Variants in INSL6 observed in about 807,000 individuals in gnomAD.
The protein encoded by INSL6 is insulin-like peptide INSL6.
Under a neutral mutation model 9.4 loss-of-function variants are expected in INSL6, and 16 were observed. The observed-to-expected ratio is 1.70, with a 90% CI of 1.15 to 2.59. INSL6 has a LOEUF of 2.59. INSL6 is among the 30% of genes most tolerant of loss of function. The pLI is 0.00. For synonymous variants in INSL6, 154 were observed against 96.9 expected, an observed-to-expected ratio of 1.59 and a Z score of -3.46; for missense variants, 391 against 257.3, an observed-to-expected ratio of 1.52 and a Z score of -3.56.
At chr9:5,141,312 A>G (rs191022270) in intron 2 of INSL6, among the ~76,000 whole-genome samples, 3 of 151,972 alleles carry the variant, frequency 2.0e-5, no homozygotes, top group African/African-American at 7.2e-5. Context: ...ACTAATTTAC[A>G]CTCCTACCAG....
chr9:5,102,291 G>T, the INSL6 span, among the ~76,000 whole-genome samples: 5 of 152,156 alleles, frequency 3.3e-5, no homozygotes, highest in Non-Finnish European at 5.9e-5. Context: ...AAGGGTATCA[G>T]TGATTGAAGA....
At chr9:5,082,865 T>C in the INSL6 span, among the ~76,000 whole-genome samples, 2 of 152,196 alleles carry the variant, frequency 1.3e-5, 1 homozygote, top group African/African-American at 4.8e-5. Context: ...GAGCTTCAGG[T>C]TGGGGCAAAG....
the INSL6 span, among the ~76,000 whole-genome samples, chr9:5,021,297 A>T: frequency 6.6e-6 from 1 of 152,226 alleles, no homozygotes. Context: ...TTTGTGGAGC[A>T]GGTGAGTACC....
the INSL6 span, chr9:5,089,686 A>G: frequency 7.2e-7 from 1 of 1,381,564 alleles, no homozygotes. Flanking sequence ...TAATTTTGGG[A>G]GTGTGGAGAT....
At chr9:4,993,647 C>G in the INSL6 span, among the ~76,000 whole-genome samples, 4 of 152,140 alleles carry the variant, frequency 2.6e-5, no homozygotes, top group African/African-American at 7.2e-5. Flanking sequence ...GCTTGAAGTC[C>G]TCACTGACAG....
chr9:5,072,940 A>C, the INSL6 span, among the ~76,000 whole-genome samples: 2 of 151,230 alleles, frequency 1.3e-5, no homozygotes, highest in African/African-American at 2.5e-5. Context: ...GCTCCTCTAC[A>C]ATTACATTTA....
At chr9:5,166,497 A>G (rs1047015895) in intron 1 of INSL6, among the ~76,000 whole-genome samples, 1 of 152,214 alleles carries the variant, frequency 6.6e-6, no homozygotes, top group Admixed American at 6.5e-5. Context: ...AGCAGAAAAA[A>G]AGAAATAAGT....
the INSL6 span, among the ~76,000 whole-genome samples, chr9:5,037,364 C>T: frequency 1.3e-5 from 2 of 152,098 alleles, no homozygotes; most frequent in African/African-American, 4.8e-5. Context: ...TGGGTATATA[C>T]CCAAAGGATT....
chr9:5,170,331 T>C (rs541973152), intron 1 of INSL6, among the ~76,000 whole-genome samples: 1 of 152,304 alleles, frequency 6.6e-6, no homozygotes, highest in African/African-American at 2.4e-5. Flanking sequence ...CGTATCAGAA[T>C]CTCTGGGACA....
chr9:5,050,595 G>A, the INSL6 span: 4 of 1,337,472 alleles, frequency 3.0e-6, no homozygotes, highest in Non-Finnish European at 4.2e-6. Flanking sequence ...AAATGCATAT[G>A]TTCTGAAAAT....
At chr9:5,122,936 T>A, downstream of INSL6, 1 of 940,968 alleles carries the variant, frequency 1.1e-6, no homozygotes, top group Non-Finnish European at 1.6e-6. Context: ...TATACAATGA[T>A]TTGCAGGTAA....
At chr9:5,113,071 G>A in the INSL6 span, among the ~76,000 whole-genome samples, 1 of 151,990 alleles carries the variant, frequency 6.6e-6, no homozygotes, top group African/African-American at 2.4e-5. Context: ...CTGGGACCCC[G>A]GCTCACCCCT....
chr9:5,103,166 A>G, the INSL6 span, among the ~76,000 whole-genome samples: 1 of 147,754 alleles, frequency 6.8e-6, no homozygotes, highest in South Asian at 2.2e-4. Context: ...TGTGCAGAGA[A>G]ACACATGGGC....
At chr9:5,041,282 T>TAC in the INSL6 span, 1 of 1,055,532 alleles carries the variant, frequency 9.5e-7, no homozygotes. Context: ...GGCCAAGGGG[T>TAC]ACACTGGTCT....
chr9:5,071,706 A>G, the INSL6 span, among the ~76,000 whole-genome samples: 1 of 152,308 alleles, frequency 6.6e-6, no homozygotes, highest in East Asian at 1.9e-4. Flanking sequence ...TCTGAGCTCT[A>G]TAAGGAGACA....
intron 1 of INSL6, among the ~76,000 whole-genome samples, chr9:5,176,788 C>A (rs922818690): frequency 6.6e-6 from 1 of 150,390 alleles, no homozygotes; most frequent in Non-Finnish European, 1.5e-5. Context: ...TGATAAAAAA[C>A]CTATAGAATC....
chr9:5,123,052 T>C (rs1823735226), downstream of INSL6: 2 of 1,611,836 alleles, frequency 1.2e-6, no homozygotes, highest in East Asian at 2.2e-5. Flanking sequence ...TGGCCTCAGA[T>C]GTTTGGAGCT....
At chr9:5,024,235 G>A in the INSL6 span, among the ~76,000 whole-genome samples, 167 of 152,174 alleles carry the variant, frequency 1.1e-3, no homozygotes, top group African/African-American at 3.7e-3. Context: ...CAGCCTGGGC[G>A]ACAGAGCGAG....
the INSL6 span, among the ~76,000 whole-genome samples, chr9:5,027,689 A>C: frequency 1.3e-5 from 2 of 152,256 alleles, no homozygotes; most frequent in African/African-American, 4.8e-5. Flanking sequence ...CACTGCTTTG[A>C]TTAAGTTGAT....
Sources: gnomAD v4.1 joint callset for allele counts (sites outside exome capture counted in the v4.1 genomes callset) on GRCh38, gnomAD v4.1.1 for gene constraint, MANE v1.5 for transcripts, NCBI Gene and HGNC (gene_info 2026-07-23, HGNC 2026-07-21) for gene names.